The following RCOR1 variants were observed in gnomAD, a reference collection of about 807,000 sequenced individuals.
RCOR1 encodes REST corepressor 1.
In RCOR1, 12 loss-of-function variants were observed where a neutral mutation model predicts 64.0. The observed-to-expected ratio is 0.19, with a 90% CI of 0.12 to 0.30. The LOEUF (loss-of-function observed/expected upper bound fraction) is 0.30. Among genes scored for constraint, RCOR1 ranks in the 10% least tolerant of loss-of-function variants. RCOR1 has a pLI of 1.00. For synonymous variants in RCOR1, 279 were observed against 227.2 expected (o/e 1.23, Z -2.05); for missense variants, 502 against 621.2 (o/e 0.81, Z 2.04).
chr14:102,599,043 G>T (rs1490043137), intron 2 of RCOR1, among the ~76,000 whole-genome samples: 1 of 152,026 alleles, frequency 6.6e-6, no homozygotes, highest in East Asian at 1.9e-4. Flanking sequence ...GTAAGAGGGG[G>T]GATGCTTATC....
Position 102,617,950 on chromosome 14 carries a change from T to TA in RCOR1, c.361+24626dup, listed in dbSNP as rs1231388137. 9.3e-5 allele frequency among the ~76,000 whole-genome samples: 14 copies of TA among 150,254 alleles called. No individual in the cohort carries two copies. The South Asian group carries it at 1.5e-3, about 16-fold the overall frequency. ...TTTCTCTTTTATGGGATACTACACTTACATAAGTTTCTTTTTTTTTTCTTT... is the reference window on the plus strand; with the variant it reads ...TTTCTCTTTTATGGGATACTACACTTAACATAAGTTTCTTTTTTTTTTCTTT... On this transcript the variant is annotated intron_variant, in intron 2 of 11. Coordinates refer to ENST00000262241, the MANE Select transcript of RCOR1 (RefSeq NM_015156.4).
chr14:102,617,015 T>A (rs1027944880), intron 2 of RCOR1, among the ~76,000 whole-genome samples: 1 of 152,184 alleles, frequency 6.6e-6, no homozygotes, highest in Non-Finnish European at 1.5e-5. Context: ...TTTTAGGAGT[T>A]GAAGGGCCAG....
At chr14:102,653,374 G>A (rs112091607) in intron 2 of RCOR1, among the ~76,000 whole-genome samples, 3 of 152,014 alleles carry the variant, frequency 2.0e-5, no homozygotes, top group Non-Finnish European at 2.9e-5. Context: ...ACTCGCTACC[G>A]TGCCCAGCTA....
In RCOR1 at chr14:102,714,681, T is replaced by C. The variant is rs2139990467; in HGVS notation, c.1053+64T>C. 3 of 1,264,812 alleles carry C rather than the reference T, an allele frequency of 2.4e-6. No homozygotes were observed. In the South Asian group the frequency reaches 4.8e-5, roughly 20 times the overall value. 78.3% of individuals were successfully genotyped at this position (1,264,812 alleles called of 1,614,324 possible). On this transcript the variant is annotated intron_variant, in intron 8 of 11. Coordinates refer to ENST00000262241, the MANE Select transcript of RCOR1 (RefSeq NM_015156.4). ...TAGCACTTTAGAGGTGTTTCTGTTA[T>C]TCATATATGTGAATGTTCTCTTTCC...
At chr14:102,606,587 G>A (rs984056029) in intron 2 of RCOR1, among the ~76,000 whole-genome samples, 5 of 151,874 alleles carry the variant, frequency 3.3e-5, no homozygotes, top group African/African-American at 1.2e-4. Context: ...TTCTTTGAGG[G>A]TGGTAGCGTA....
chr14:102,608,488 G>A (rs1293984692), intron 2 of RCOR1, among the ~76,000 whole-genome samples: 1 of 152,064 alleles, frequency 6.6e-6, no homozygotes, highest in East Asian at 1.9e-4. Context: ...AGGCTGAAGG[G>A]CAGTGGCGTG....
At chr14:102,692,752 C>CCTTCCTTCCTTT (rs757476494) in intron 3 of RCOR1, among the ~76,000 whole-genome samples, 1 of 139,890 alleles carries the variant, frequency 7.1e-6, no homozygotes, top group Non-Finnish European at 1.5e-5. Flanking sequence ...TTCCTTCCTT[C>CCTTCCTTCCTTT]CTTCTTTTTC....
chr14:102,694,720 A>G (rs1435812475), intron 3 of RCOR1, among the ~76,000 whole-genome samples: 1 of 152,188 alleles, frequency 6.6e-6, no homozygotes, highest in African/African-American at 2.4e-5. Context: ...TACTGTAGTA[A>G]TGTCTGTACC....
intron 2 of RCOR1, among the ~76,000 whole-genome samples, chr14:102,646,658 G>C (rs1438033531): frequency 6.6e-6 from 1 of 152,230 alleles, no homozygotes; most frequent in Non-Finnish European, 1.5e-5. Flanking sequence ...GGAAGAGGAA[G>C]TGTGGAAATG....
At chr14:102,690,106 G>C (rs546870534) in intron 3 of RCOR1, among the ~76,000 whole-genome samples, 1 of 152,174 alleles carries the variant, frequency 6.6e-6, no homozygotes, top group East Asian at 1.9e-4. Context: ...ACATGGTGGA[G>C]GTAGATAATT....
rs1224027084 is a variant in RCOR1, at chr14:102,593,205, C to T, written c.301+18C>T. On this transcript the variant is annotated intron_variant, in intron 1 of 11. Coordinates refer to ENST00000262241, the MANE Select transcript of RCOR1 (RefSeq NM_015156.4). ...GGAGCACGGTAGGTGGCAGCCGCCC[C>T]CGCGGCCCCGGGCCCCGCGCCCCGC... 2.7e-6 allele frequency: 4 copies of T among 1,478,826 alleles called. No homozygotes were observed. Among genetic ancestry groups the T allele is most frequent in the Non-Finnish European group, 3.6e-6 (4 of 1,120,162 alleles). The allele number at this position is 1,478,826 out of a possible 1,614,324, so 91.6% of individuals were successfully genotyped here. A position where few individuals can be genotyped will look rare whatever the true frequency, so the allele number is the denominator to read the frequency against.
intron 11 of RCOR1, among the ~76,000 whole-genome samples, chr14:102,723,484 A>C (rs973666325): frequency 1.3e-5 from 2 of 152,202 alleles, no homozygotes; most frequent in African/African-American, 2.4e-5. Context: ...TTAGAATTAG[A>C]TTCTTTAGAG....
At chr14:102,614,084 G>A (rs924417338) in intron 2 of RCOR1, among the ~76,000 whole-genome samples, 4 of 151,446 alleles carry the variant, frequency 2.6e-5, no homozygotes, top group Admixed American at 6.6e-5. Flanking sequence ...TGGTAGAGAC[G>A]GGGTTTCTCC....
intron 2 of RCOR1, among the ~76,000 whole-genome samples, chr14:102,640,256 G>T (rs903712464): frequency 6.6e-6 from 1 of 152,206 alleles, no homozygotes; most frequent in Non-Finnish European, 1.5e-5. Flanking sequence ...GCTGGGAGCC[G>T]CTGTGCCCAG....
At chr14:102,638,344 G>A (rs1369984301) in intron 2 of RCOR1, among the ~76,000 whole-genome samples, 2 of 152,096 alleles carry the variant, frequency 1.3e-5, no homozygotes, top group South Asian at 2.1e-4. Context: ...ATACTAGACC[G>A]TATTCTTACC....
At position 102,640,696 on chromosome 14, in the gene RCOR1, T is replaced by C. The variant is rs1160345253; in HGVS notation, c.362-41199T>C. ...TGTAATTTAAAGAATTTTTTGAGGCTGGACACGTTGGCTCACGCCTGTAAT... is the reference window on the plus strand; with the variant it reads ...TGTAATTTAAAGAATTTTTTGAGGCCGGACACGTTGGCTCACGCCTGTAAT... On this transcript the variant is annotated intron_variant, in intron 2 of 11. Coordinates refer to ENST00000262241, the MANE Select transcript of RCOR1 (RefSeq NM_015156.4). 2.0e-5 allele frequency among the ~76,000 whole-genome samples: 3 copies of C among 152,250 alleles called. No individual in the cohort carries two copies. In the East Asian group the frequency reaches 5.8e-4, roughly 29 times the overall value.
intron 2 of RCOR1, among the ~76,000 whole-genome samples, chr14:102,607,721 A>C (rs867754135): frequency 2.6e-5 from 4 of 152,154 alleles, no homozygotes; most frequent in Non-Finnish European, 4.4e-5. Context: ...ATATCTACTA[A>C]AAGTATAAAA....
rs1303593231 is a variant in RCOR1, at chr14:102,632,660, TTTCC to T, written c.361+39338_361+39341del. Among the ~76,000 whole-genome samples the T allele has an allele frequency of 7.2e-4, 47 of 65,670 alleles. 1 individual carries two copies. Among genetic ancestry groups the T allele is most frequent in the African/African-American group, 1.9e-3 (40 of 21,084 alleles). The allele number at this position is 65,670 out of a possible 152,430, so 43.1% of individuals were successfully genotyped here. A position where few individuals can be genotyped will look rare whatever the true frequency, so the allele number is the denominator to read the frequency against. On this transcript the variant is annotated intron_variant, in intron 2 of 11. Transcript: ENST00000262241. The stretch of plus-strand genomic sequence containing the variant: ...TTTCCTTTCCTTTCCTTTCCTTTCC[TTTCC>T]TTTCCTTTCCTTTCCTTTTCCTTTT...
At chr14:102,721,248 G>C in intron 9 of RCOR1, 72 bp from the exon 10 acceptor site, 1 of 1,363,518 alleles carries the variant, frequency 7.3e-7, no homozygotes, top group South Asian at 1.2e-5. Flanking sequence ...GAAAATGAAA[G>C]GTTCGTTAAG....
Sources: gnomAD v4.1 joint callset for allele counts (sites outside exome capture counted in the v4.1 genomes callset) on GRCh38, gnomAD v4.1.1 for gene constraint, MANE v1.5 for transcripts, NCBI Gene and HGNC (gene_info 2026-07-23, HGNC 2026-07-21) for gene names.